The following TTC27 variants were observed in gnomAD, a reference collection of about 807,000 sequenced individuals.
The protein encoded by TTC27 is tetratricopeptide repeat domain 27.
A neutral mutation model predicts 115.9 loss-of-function variants in TTC27; 79 were observed. The observed-to-expected ratio is 0.68, with a 90% confidence interval of 0.57 to 0.82. The LOEUF is 0.82. Among genes scored for constraint, TTC27 ranks in the 40% least tolerant of loss-of-function variants. TTC27 has a pLI of 0.00. For synonymous variants in TTC27, 401 were observed against 356.0 expected, an observed-to-expected ratio of 1.13 and a Z score of -1.42; for missense variants, 1,054 against 993.1, an observed-to-expected ratio of 1.06 and a Z score of -0.82.
intron 6 of TTC27, 128 bp downstream of exon 6, chr2:32,664,595 G>T: frequency 5.2e-6 from 4 of 765,454 alleles, no homozygotes; most frequent in South Asian, 2.2e-5. Context: ...AGACTTTAAA[G>T]GTTTTATTTA....
chr2:32,812,544 A>C lies in TTC27; in HGVS notation c.2237A>C (p.Gln746Pro). The change falls in exon 18 of 20, where the codon CAG becomes CCG. Residue 746 changes from glutamine to proline, a missense_variant. Transcript: ENST00000317907. Reference protein sequence around the residue: ...CLSKAYKCDTQSNCWEKDITS... With the variant: ...CLSKAYKCDTPSNCWEKDITS... The stretch of plus-strand genomic sequence containing the variant: ...TCAAAGGCATACAAGTGTGACACCC[A>C]GTCCAATTGTTGGGAGAAAGATATT... The C allele has an allele frequency of 6.2e-7, 1 of 1,614,106 alleles. No homozygotes were observed. Among genetic ancestry groups the C allele is most frequent in the Non-Finnish European group, 8.5e-7 (1 of 1,179,958 alleles).
Position 32,736,815 on chromosome 2 carries a change from A to G in TTC27, c.1451A>G (p.Lys484Arg). 6.2e-7 allele frequency: 1 copy of G among 1,613,664 alleles called. No individual in the cohort carries two copies. The highest frequency in any genetic ancestry group is 8.5e-7 in the Non-Finnish European group (1 of 1,179,744). ...ICYERAGQHGKAEEILRQELE... is the reference protein window; with the variant it reads ...ICYERAGQHGRAEEILRQELE... ...TATGAAAGAGCCGGGCAGCACGGAA[A>G]GGTATGTAATAGTCCAATTTGATGT... Residue 484 changes from lysine to arginine, a missense_variant and splice_region_variant, in exon 12 of 20, where the codon AAG (lysine) becomes AGG (arginine). Transcript: ENST00000317907.
At chr2:32,706,271 C>CG (rs1427375346) in intron 10 of TTC27, among the ~76,000 whole-genome samples, 1 of 151,044 alleles carries the variant, frequency 6.6e-6, no homozygotes, top group African/African-American at 2.4e-5. Context: ...TTAGTAGAGA[C>CG]GGGGTTTCAC....
chr2:32,750,370 AC>A (rs1489213441), intron 12 of TTC27, among the ~76,000 whole-genome samples: 2 of 152,166 alleles, frequency 1.3e-5, no homozygotes, highest in African/African-American at 4.8e-5. Flanking sequence ...CTTGTTTGTT[AC>A]CATATTAGAC....
chr2:32,773,886 C>T (rs532212884), intron 13 of TTC27, among the ~76,000 whole-genome samples: 10 of 152,252 alleles, frequency 6.6e-5, no homozygotes, highest in African/African-American at 2.2e-4. Context: ...GGGCCTATGT[C>T]AGTGTTTTAG....
chr2:32,790,434 TTAA>T (rs1442206222), intron 16 of TTC27, among the ~76,000 whole-genome samples: 3 of 152,146 alleles, frequency 2.0e-5, no homozygotes, highest in African/African-American at 7.2e-5. Context: ...TATAATTTTA[TTAA>T]TAATATTTTA....
At chr2:32,797,131 G>A (rs1055132903) in intron 16 of TTC27, among the ~76,000 whole-genome samples, 8 of 141,176 alleles carry the variant, frequency 5.7e-5, no homozygotes, top group Non-Finnish European at 1.0e-4. Context: ...CCGAGATTGT[G>A]CCACTGCATT....
intron 15 of TTC27, among the ~76,000 whole-genome samples, chr2:32,783,351 C>T (rs369816234): frequency 6.6e-6 from 1 of 152,066 alleles, no homozygotes; most frequent in African/African-American, 2.4e-5. Flanking sequence ...CAGAGGGGAG[C>T]CTCTTAGGCA....
chr2:32,802,461 C>T (rs1382129050), intron 16 of TTC27, among the ~76,000 whole-genome samples: 1 of 152,028 alleles, frequency 6.6e-6, no homozygotes, highest in Non-Finnish European at 1.5e-5. Context: ...GTAGTCAATC[C>T]GTCAAGACAG....
At chr2:32,633,540 A>G (rs1359365820) in intron 2 of TTC27, among the ~76,000 whole-genome samples, 6 of 151,924 alleles carry the variant, frequency 3.9e-5, no homozygotes, top group Admixed American at 1.3e-4. Flanking sequence ...CAGCCTCTTG[A>G]GTAGCTGGGA....
At position 32,702,917 on chromosome 2, in the gene TTC27, A is replaced by C. The variant is rs753365012; in HGVS notation, c.1230A>C (p.Thr410=). ...GAGTGGAACGGGCAATGAGGCAGACACAGGTAAGAATTAATGTGGCAATTT... is the reference window on the plus strand; with the variant it reads ...GAGTGGAACGGGCAATGAGGCAGACCCAGGTAAGAATTAATGTGGCAATTT... ...TRRVERAMRQ[T]QALADQFEDK... Residue 410 remains threonine, a synonymous_variant, in exon 10 of 20, where the codon ACA becomes ACC. Transcript: ENST00000317907. The C allele has an allele frequency of 3.7e-6, 6 of 1,612,290 alleles. No individual in the cohort carries two copies. Among genetic ancestry groups the C allele is most frequent in the South Asian group, 1.1e-5 (1 of 91,010 alleles).
intron 10 of TTC27, among the ~76,000 whole-genome samples, chr2:32,724,960 C>T (rs577319649): frequency 2.6e-5 from 4 of 152,292 alleles, no homozygotes; most frequent in South Asian, 2.1e-4. Context: ...TCACATCTTA[C>T]GTGGATGGCA....
chr2:32,708,304 G>GTTTTTTTTTTTTGTTTTTTTTTT (rs1667450838), intron 10 of TTC27, among the ~76,000 whole-genome samples: 1 of 61,354 alleles, frequency 1.6e-5, no homozygotes. Context: ...TCTCTACCTT[G>GTTTTTTTTTTTTGTTTTTTTTTT]TTTTTTTTTT....
intron 5 of TTC27, among the ~76,000 whole-genome samples, chr2:32,660,521 C>G (rs1157557978): frequency 1.3e-5 from 2 of 151,948 alleles, no homozygotes; most frequent in East Asian, 3.8e-4. Context: ...ACTGCATGTT[C>G]TCACTCATAA....
At chr2:32,643,035 T>C (rs1276616610) in intron 4 of TTC27, among the ~76,000 whole-genome samples, 1 of 152,142 alleles carries the variant, frequency 6.6e-6, no homozygotes, top group Non-Finnish European at 1.5e-5. Flanking sequence ...AGTGGTGTGA[T>C]CTTGGCTCAC....
chr2:32,816,905 G>T (rs1671517917), intron 18 of TTC27, among the ~76,000 whole-genome samples: 2 of 152,162 alleles, frequency 1.3e-5, no homozygotes, highest in African/African-American at 2.4e-5. Context: ...ATCTGTTTTT[G>T]TCTGTGTGGG....
chr2:32,797,540 G>A (rs1374308166), intron 16 of TTC27, among the ~76,000 whole-genome samples: 1 of 152,050 alleles, frequency 6.6e-6, no homozygotes, highest in African/African-American at 2.4e-5. Flanking sequence ...AATTGTCCTG[G>A]GAAAACTGCA....
chr2:32,677,684 C>T (rs1464050343), intron 8 of TTC27, among the ~76,000 whole-genome samples: 1 of 151,974 alleles, frequency 6.6e-6, no homozygotes, highest in Non-Finnish European at 1.5e-5. Context: ...CTCTTGACCT[C>T]ATGATTCATT....
intron 10 of TTC27, among the ~76,000 whole-genome samples, chr2:32,704,196 C>CT (rs958847574): frequency 1.3e-4 from 19 of 150,756 alleles, no homozygotes; most frequent in African/African-American, 1.9e-4. Context: ...TTTTTTTTTA[C>CT]TTTTTTTTGA....
Sources: allele counts gnomAD v4.1 joint callset (sites outside exome capture counted in the v4.1 genomes callset), GRCh38; gene constraint gnomAD v4.1.1; transcripts MANE v1.5; gene names NCBI Gene and HGNC (gene_info 2026-07-23, HGNC 2026-07-21).